Variants in SNTB2 observed in about 807,000 individuals in gnomAD.
SNTB2 encodes syntrophin beta 2, also known as beta-2-syntrophin.
A neutral mutation model predicts 46.2 loss-of-function variants in SNTB2; 34 were observed. That is an observed-to-expected ratio of 0.74 (90% confidence interval 0.56 to 0.98). The LOEUF is 0.98. Among genes scored for constraint, SNTB2 ranks in the 50% least tolerant of loss-of-function variants. SNTB2 has a pLI of 0.00. For missense variants in SNTB2, 603 were observed against 731.4 expected (o/e 0.82, Z 2.02); for synonymous variants, 290 against 312.6 (o/e 0.93, Z 0.76).
In SNTB2 at chr16:69,227,739, T is replaced by C. The variant is rs193002947; in HGVS notation, c.581-17863T>C. 1.5e-3 allele frequency among the ~76,000 whole-genome samples: 233 copies of C among 152,116 alleles called. 2 individuals are homozygous for C. Among genetic ancestry groups the C allele is most frequent in the Non-Finnish European group, 6.9e-4 (47 of 68,018 alleles). On this transcript the variant is annotated intron_variant, in intron 1 of 6. Coordinates refer to ENST00000336278, the MANE Select transcript of SNTB2 (RefSeq NM_006750.4). Reference sequence around the variant, plus strand: ...TATGGCGGATGCCATGTCAGTGATATGTAGAGTGTTAGAGGAATATAGATG... The same window carrying C: ...TATGGCGGATGCCATGTCAGTGATACGTAGAGTGTTAGAGGAATATAGATG...
At chr16:69,246,954 C>T (rs1038642695) in intron 2 of SNTB2, among the ~76,000 whole-genome samples, 2 of 147,526 alleles carry the variant, frequency 1.4e-5, no homozygotes, top group Middle Eastern at 3.3e-3. Flanking sequence ...TGCTAGATGA[C>T]GAGTTAGTGG....
chr16:69,235,723 C>A, intron 1 of SNTB2: 1 of 1,288,324 alleles, frequency 7.8e-7, no homozygotes. Context: ...AACATAGTAC[C>A]AGGAATTTTT....
At chr16:69,235,752 A>G (rs966902356) in intron 1 of SNTB2, 4 of 1,289,346 alleles carry the variant, frequency 3.1e-6, no homozygotes, top group Middle Eastern at 2.1e-4. Context: ...TTTCAGGCCT[A>G]TAATGAGGAA....
chr16:69,299,454 A>C (rs1965259058), intron 5 of SNTB2, 136 bp from the exon 6 acceptor site: 1 of 855,462 alleles, frequency 1.2e-6, no homozygotes, highest in African/African-American at 1.7e-5. Flanking sequence ...AACACACTTT[A>C]GAAGTTTCCA....
intron 5 of SNTB2, among the ~76,000 whole-genome samples, chr16:69,298,102 A>G (rs1965245080): frequency 6.6e-6 from 1 of 151,906 alleles, no homozygotes; most frequent in Non-Finnish European, 1.5e-5. Context: ...CCATGCCCAG[A>G]TACATTTTTT....
intron 5 of SNTB2, among the ~76,000 whole-genome samples, chr16:69,284,548 T>C (rs1292906414): frequency 1.6e-5 from 2 of 126,436 alleles, no homozygotes; most frequent in African/African-American, 3.0e-5. Flanking sequence ...CCGAGGCAGG[T>C]GGATTGCCTG....
At chr16:69,215,351 C>T (rs1193060527) in intron 1 of SNTB2, among the ~76,000 whole-genome samples, 2 of 152,090 alleles carry the variant, frequency 1.3e-5, no homozygotes, top group Non-Finnish European at 2.9e-5. Flanking sequence ...TAGGATTGTG[C>T]CACTGCATTT....
rs553317799 is a variant in SNTB2, at chr16:69,198,157, C to T, written c.580+10411C>T. ...ACAGAGCCTCGCTCTGTCGCCTAGG[C>T]TGGAGTGCAGTGGCAATCTCAGCTC... On this transcript the variant is annotated intron_variant, in intron 1 of 6. Transcript: ENST00000336278. 2.7e-5 allele frequency among the ~76,000 whole-genome samples: 4 copies of T among 146,266 alleles called. No homozygotes were observed. The East Asian group carries it at 8.2e-4, about 30-fold the overall frequency.
At chr16:69,246,455 C>T (rs886956593) in intron 2 of SNTB2, among the ~76,000 whole-genome samples, 7 of 149,350 alleles carry the variant, frequency 4.7e-5, no homozygotes, top group Non-Finnish European at 7.4e-5. Context: ...CTGCTGGATT[C>T]GTTTTGCCAG....
intron 1 of SNTB2, among the ~76,000 whole-genome samples, chr16:69,229,206 C>T (rs1964484102): frequency 6.6e-6 from 1 of 152,142 alleles, no homozygotes; most frequent in Non-Finnish European, 1.5e-5. Context: ...GGATCTCACT[C>T]TGTCATTCAG....
At chr16:69,254,968 G>A (rs898175711) in intron 2 of SNTB2, among the ~76,000 whole-genome samples, 2 of 152,084 alleles carry the variant, frequency 1.3e-5, no homozygotes, top group African/African-American at 2.4e-5. Context: ...AGTAATCTGT[G>A]TCCCTACTGA....
At chr16:69,248,342 A>T (rs1964690895) in intron 2 of SNTB2, among the ~76,000 whole-genome samples, 1 of 152,014 alleles carries the variant, frequency 6.6e-6, no homozygotes, top group Admixed American at 6.6e-5. Flanking sequence ...TAAAGTAAGA[A>T]TTTAATTTGG....
chr16:69,267,256 A>G (rs370274842), intron 3 of SNTB2, among the ~76,000 whole-genome samples: 8 of 152,266 alleles, frequency 5.3e-5, no homozygotes, highest in African/African-American at 1.9e-4. Flanking sequence ...TGATCTCTTC[A>G]TCCGCCTGAC....
chr16:69,223,881 C>G (rs1219576103), intron 1 of SNTB2, among the ~76,000 whole-genome samples: 1 of 152,174 alleles, frequency 6.6e-6, no homozygotes, highest in Non-Finnish European at 1.5e-5. Context: ...CCACCCGCCT[C>G]AGCCTCCCGA....
intron 3 of SNTB2, among the ~76,000 whole-genome samples, chr16:69,261,064 C>G (rs942949478): frequency 6.6e-5 from 10 of 151,962 alleles, no homozygotes; most frequent in Non-Finnish European, 1.2e-4. Flanking sequence ...AAAAAAAGGA[C>G]TGGACTAGGG....
intron 1 of SNTB2, among the ~76,000 whole-genome samples, chr16:69,214,837 C>CT (rs998957139): frequency 1.4e-5 from 2 of 146,316 alleles, no homozygotes; most frequent in African/African-American, 5.1e-5. Flanking sequence ...TGTTTTTTAT[C>CT]TTAATATTAA....
At chr16:69,296,245 A>G (rs935052091) in intron 5 of SNTB2, among the ~76,000 whole-genome samples, 2 of 151,682 alleles carry the variant, frequency 1.3e-5, no homozygotes, top group Non-Finnish European at 2.9e-5. Flanking sequence ...ACGCCATTAC[A>G]CTCCAGCCTG....
Position 69,187,757 on chromosome 16 carries a change from C to G in SNTB2, c.580+11C>G. 3 of 411,424 alleles carry G rather than the reference C, an allele frequency of 7.3e-6. No individual in the cohort carries two copies. Among genetic ancestry groups the G allele is most frequent in the South Asian group, 2.0e-5 (1 of 50,326 alleles). The allele number at this position is 411,424 out of a possible 1,614,324, so 25.5% of individuals were successfully genotyped here. ...AGGTGCTGCTGGAGGGTGAGCGGGG[C>G]CGGGCGGGAGGGTGGGCAGGCCGCG... is the stretch of plus-strand genomic sequence containing the variant. On this transcript the variant is annotated intron_variant, in intron 1 of 6. Coordinates refer to ENST00000336278, the MANE Select transcript of SNTB2 (RefSeq NM_006750.4).
chr16:69,269,026 G>A (rs1211372066), intron 3 of SNTB2, among the ~76,000 whole-genome samples: 4 of 151,460 alleles, frequency 2.6e-5, no homozygotes, highest in Non-Finnish European at 5.9e-5. Flanking sequence ...AAAATTAACT[G>A]GGTGTGGTGG....
Sources: allele counts gnomAD v4.1 joint callset (sites outside exome capture counted in the v4.1 genomes callset), GRCh38; gene constraint gnomAD v4.1.1; transcripts MANE v1.5; gene names NCBI Gene and HGNC (gene_info 2026-07-23, HGNC 2026-07-21).